Variants in TANK observed in about 807,000 individuals in gnomAD.
The protein encoded by TANK is TRAF family member-associated NF-kappa-B activator.
In TANK, 15 loss-of-function variants were observed where a neutral mutation model predicts 43.6. The ratio of observed to expected loss-of-function variants is 0.34; its 90% CI spans 0.23 to 0.53. The LOEUF is 0.53. Ranked by LOEUF, TANK falls within the 20% of genes least tolerant of loss-of-function variation. The pLI, the probability that TANK is intolerant of heterozygous loss-of-function variation, is 0.94. For missense variants in TANK, 417 were observed against 498.6 expected, an observed-to-expected ratio of 0.84 and a Z score of 1.56; for synonymous variants, 162 against 178.2, an observed-to-expected ratio of 0.91 and a Z score of 0.73.
chr2:161,232,709 A>G, intron 7 of TANK: 2 of 1,543,354 alleles, frequency 1.3e-6, no homozygotes, highest in African/African-American at 2.7e-5. Flanking sequence ...TCTCTATTAT[A>G]TGTCTTGCTT....
At chr2:161,147,048 C>T (rs899328877) in intron 1 of TANK, among the ~76,000 whole-genome samples, 2 of 152,110 alleles carry the variant, frequency 1.3e-5, no homozygotes, top group Non-Finnish European at 2.9e-5. Flanking sequence ...TGCAGGGAGG[C>T]CCCGCCCAAT....
intron 4 of TANK, among the ~76,000 whole-genome samples, chr2:161,216,723 T>A (rs1228906796): frequency 6.6e-6 from 1 of 152,226 alleles, no homozygotes; most frequent in Non-Finnish European, 1.5e-5. Context: ...AGACAAGTTC[T>A]TATTTGCCTT....
intron 1 of TANK, among the ~76,000 whole-genome samples, chr2:161,177,598 T>C (rs1558976203): frequency 6.6e-6 from 1 of 151,986 alleles, no homozygotes; most frequent in Non-Finnish European, 1.5e-5. Context: ...CAATTGAAAA[T>C]CTTCATGACC....
intron 1 of TANK, chr2:161,138,005 A>AT: frequency 3.1e-6 from 2 of 643,034 alleles, no homozygotes; most frequent in Non-Finnish European, 3.8e-6. Context: ...CAAGTTTAGT[A>AT]TTTTTCTCAT....
intron 2 of TANK, among the ~76,000 whole-genome samples, chr2:161,194,779 TG>T (rs1574017194): frequency 6.6e-6 from 1 of 152,194 alleles, no homozygotes; most frequent in East Asian, 1.9e-4. Context: ...GTAGGTACTG[TG>T]TTAAAAAAAA....
At chr2:161,155,624 T>G (rs1267068), upstream of TANK, among the ~76,000 whole-genome samples, 40,270 of 152,120 alleles carry the variant, frequency 0.26, 5,694 homozygotes, top group East Asian at 0.4. Context: ...CTATTCAGCT[T>G]TTGAAGTTTA....
At chr2:161,194,090 C>T (rs2105326432) in intron 2 of TANK, among the ~76,000 whole-genome samples, 1 of 152,184 alleles carries the variant, frequency 6.6e-6, no homozygotes, top group East Asian at 1.9e-4. Context: ...TCTATTGCTT[C>T]TTTGACCATC....
At chr2:161,221,596 G>A (rs1687345066) in intron 4 of TANK, among the ~76,000 whole-genome samples, 1 of 151,554 alleles carries the variant, frequency 6.6e-6, no homozygotes, top group Admixed American at 6.6e-5. Context: ...ATGGAAAATA[G>A]CATTAACATG....
intron 3 of TANK, among the ~76,000 whole-genome samples, chr2:161,203,933 G>A (rs759003034): frequency 1.3e-5 from 2 of 152,008 alleles, no homozygotes; most frequent in Non-Finnish European, 2.9e-5. Context: ...ATTTGTTCAG[G>A]TACTCAAAAA....
At chr2:161,174,434 C>G (rs1315853906) in intron 1 of TANK, among the ~76,000 whole-genome samples, 2 of 152,124 alleles carry the variant, frequency 1.3e-5, no homozygotes, top group Non-Finnish European at 2.9e-5. Flanking sequence ...TTGCTTCTCA[C>G]CATTGTGAAA....
chr2:161,231,633 C>T (rs1372893717), intron 7 of TANK, 82 bp downstream of exon 7: 13 of 1,246,378 alleles, frequency 1.0e-5, no homozygotes, highest in East Asian at 4.8e-5. Context: ...ATCTCTTTTA[C>T]GTTATCAAAC....
chr2:161,229,748 T>C (rs772836984), intron 6 of TANK, among the ~76,000 whole-genome samples: 2 of 152,230 alleles, frequency 1.3e-5, no homozygotes, highest in Non-Finnish European at 2.9e-5. Flanking sequence ...GTATACCTTG[T>C]GTTCTGTATA....
chr2:161,187,750 C>A (rs1558983575), intron 2 of TANK, among the ~76,000 whole-genome samples: 3 of 152,086 alleles, frequency 2.0e-5, no homozygotes, highest in Admixed American at 6.6e-5. Context: ...TGTAAAAACC[C>A]CAGCAACAAC....
chr2:161,212,040 T>C (rs1686913622), intron 4 of TANK: 2 of 857,590 alleles, frequency 2.3e-6, no homozygotes, highest in South Asian at 5.4e-5. Context: ...TTCAGTTTTT[T>C]CCAAAGAGTC....
At chr2:161,219,845 G>T in intron 4 of TANK, 1 of 395,822 alleles carries the variant, frequency 2.5e-6, no homozygotes. Flanking sequence ...AAATCTAAGT[G>T]ACAAATGAAT....
At chr2:161,160,151 A>C (rs1172687847), upstream of TANK, 1 of 357,468 alleles carries the variant, frequency 2.8e-6, no homozygotes, top group East Asian at 4.0e-5. Flanking sequence ...ATCGTTTGGC[A>C]AAAAAATCCA....
chr2:161,175,031 C>G (rs1312052427), intron 1 of TANK, among the ~76,000 whole-genome samples: 1 of 152,182 alleles, frequency 6.6e-6, no homozygotes, highest in Non-Finnish European at 1.5e-5. Context: ...ACCTACCTCT[C>G]AAAGCCTTTC....
chr2:161,232,888 G>T (rs1414241291), intron 7 of TANK: 2 of 1,530,792 alleles, frequency 1.3e-6, no homozygotes, highest in South Asian at 1.2e-5. Context: ...CACAAGACAT[G>T]GGGCATAAGG....
At position 161,184,168 on chromosome 2, in the gene TANK, A is replaced by G. The variant is rs186025156; in HGVS notation, c.99+4407A>G. Among the ~76,000 whole-genome samples the G allele has an allele frequency of 1.8e-3, 274 of 152,292 alleles. 1 individual carries two copies. The highest frequency in any genetic ancestry group is 6.4e-3 in the African/African-American group (265 of 41,580). ...AGAGAATGATGGGACATTCCAGGAAAAGAACCTGTAAAGGTAGATTAGTAT... is the reference window on the plus strand; with the variant it reads ...AGAGAATGATGGGACATTCCAGGAAGAGAACCTGTAAAGGTAGATTAGTAT... On this transcript the variant is annotated intron_variant, in intron 2 of 7. Transcript: ENST00000392749.
Sources: allele counts gnomAD v4.1 joint callset (sites outside exome capture counted in the v4.1 genomes callset), GRCh38; gene constraint gnomAD v4.1.1; transcripts MANE v1.5; gene names NCBI Gene and HGNC (gene_info 2026-07-23, HGNC 2026-07-21).